RAB27A: variants seen among roughly 807,000 people sequenced by gnomAD.
RAB27A encodes the protein RAB27A, member RAS oncogene family.
Under a neutral mutation model 20.8 loss-of-function variants are expected in RAB27A, and 17 were observed. The ratio of observed to expected loss-of-function variants is 0.82; its 90% confidence interval spans 0.56 to 1.23. RAB27A has a LOEUF of 1.23. RAB27A is among the 50% of genes most tolerant of loss of function. The pLI, the probability that RAB27A is intolerant of heterozygous loss-of-function variation, is 0.00. For missense variants in RAB27A, 277 were observed against 266.7 expected (o/e 1.04, Z -0.27); for synonymous variants, 85 against 92.8 (o/e 0.92, Z 0.48).
intron 1 of RAB27A, among the ~76,000 whole-genome samples, chr15:55,288,380 G>C (rs2141133621): frequency 6.6e-6 from 1 of 152,176 alleles, no homozygotes; most frequent in South Asian, 2.1e-4. Context: ...AATTAGCCAA[G>C]CATGGTAGCA....
intron 6 of RAB27A, among the ~76,000 whole-genome samples, chr15:55,216,649 A>C (rs1446107346): frequency 6.6e-6 from 1 of 152,204 alleles, no homozygotes; most frequent in African/African-American, 2.4e-5. Flanking sequence ...ATAAAAAATA[A>C]AAATAAATTT....
rs1894478159 is a variant in RAB27A at position 55,203,269 on chromosome 15, T to C, written c.*2238A>G. On this transcript the variant is annotated 3_prime_UTR_variant, in exon 7 of 7. Transcript: ENST00000336787. ...AAACATGCAAACATTCTTATTTTTATGTTTAAAGACATTTAATGTGTTATT... is the reference window on the plus strand; with the variant it reads ...AAACATGCAAACATTCTTATTTTTACGTTTAAAGACATTTAATGTGTTATT... 1 of 152,222 alleles carries C rather than the reference T, an allele frequency of 6.6e-6. No homozygotes were observed. Among genetic ancestry groups the C allele is most frequent in the Non-Finnish European group, 1.5e-5 (1 of 68,038 alleles). The allele number at this position is 152,222 out of a possible 1,614,324, so 9.4% of individuals were successfully genotyped here. A position where few individuals can be genotyped will look rare whatever the true frequency, so the allele number is the denominator to read the frequency against.
intron 6 of RAB27A, chr15:55,206,382 CT>C: frequency 5.0e-6 from 2 of 401,850 alleles, no homozygotes; most frequent in Non-Finnish European, 6.7e-6. Context: ...GAGACAGAGT[CT>C]CTATCACCCA....
At chr15:55,214,249 A>C (rs1895166849) in intron 6 of RAB27A, among the ~76,000 whole-genome samples, 2 of 152,200 alleles carry the variant, frequency 1.3e-5, no homozygotes, top group South Asian at 4.1e-4. Flanking sequence ...ATCCTGGCTA[A>C]CATGGTGAAA....
At chr15:55,223,856 G>C (rs1566905707) in intron 6 of RAB27A, 33 bp downstream of exon 6, 1 of 1,609,900 alleles carries the variant, frequency 6.2e-7, no homozygotes, top group Admixed American at 1.7e-5. Flanking sequence ...TATTGAAAAT[G>C]TTTTCTCTAG....
chr15:55,263,007 T>G (rs756635392), intron 2 of RAB27A, among the ~76,000 whole-genome samples: 5 of 152,236 alleles, frequency 3.3e-5, no homozygotes, highest in Non-Finnish European at 7.3e-5. Context: ...TATCACATTT[T>G]GTTTCAGCAT....
At position 55,295,737 on chromosome 15, in the gene RAB27A, C is replaced by G. The variant is rs1223695679; in HGVS notation, c.-112+18302G>C. ...TGACTGCTTATTGCACACGAGGTTT[C>G]CTTCTGAGGTGATGAAACTGTCTTG... On this transcript the variant is annotated intron_variant, in intron 2 of 5. Coordinates refer to the RAB27A transcript ENST00000563262. 2.0e-5 allele frequency among the ~76,000 whole-genome samples: 3 copies of G among 152,062 alleles called. No homozygotes were observed. The East Asian group carries it at 5.8e-4, about 29-fold the overall frequency.
chr15:55,245,958 C>A (rs1205818502), intron 2 of RAB27A, among the ~76,000 whole-genome samples: 1 of 152,078 alleles, frequency 6.6e-6, no homozygotes, highest in Admixed American at 6.6e-5. Flanking sequence ...AAACAATTAG[C>A]CTGTAGTCCC....
chr15:55,288,592 T>A (rs1847784506), intron 1 of RAB27A, among the ~76,000 whole-genome samples: 1 of 150,328 alleles, frequency 6.7e-6, no homozygotes, highest in Admixed American at 6.6e-5. Flanking sequence ...TCACAGAAAT[T>A]AAGGAAGGAA....
intron 1 of RAB27A, among the ~76,000 whole-genome samples, chr15:55,277,440 C>T (rs1000494097): frequency 6.6e-6 from 1 of 152,116 alleles, no homozygotes. Context: ...GCCAGGAGTT[C>T]GAGACCAGCC....
intron 2 of RAB27A, among the ~76,000 whole-genome samples, chr15:55,308,215 C>T (rs2055006418): frequency 6.6e-6 from 1 of 152,134 alleles, no homozygotes; most frequent in Admixed American, 6.5e-5. Flanking sequence ...ATGACCCCGG[C>T]AGTGTAAGAC....
intron 2 of RAB27A, among the ~76,000 whole-genome samples, chr15:55,262,270 G>C (rs73413650): frequency 6.6e-6 from 1 of 151,608 alleles, no homozygotes; most frequent in Non-Finnish European, 1.5e-5. Context: ...GGCCAGGCGC[G>C]GTGGCTCATG....
At chr15:55,241,782 T>C (rs1158302961) in intron 2 of RAB27A, among the ~76,000 whole-genome samples, 2 of 151,256 alleles carry the variant, frequency 1.3e-5, no homozygotes, top group Admixed American at 6.6e-5. Context: ...CATTGTAGCC[T>C]GGGCAACAGA....
At chr15:55,278,255 A>T (rs1021564136) in intron 1 of RAB27A, among the ~76,000 whole-genome samples, 21 of 152,278 alleles carry the variant, frequency 1.4e-4, no homozygotes, top group African/African-American at 5.1e-4. Context: ...TGATTTCTCT[A>T]CTGGACAAAA....
intron 1 of RAB27A, among the ~76,000 whole-genome samples, chr15:55,286,428 C>G (rs80018293): frequency 0.025 from 3,811 of 152,014 alleles, 73 homozygotes; most frequent in Non-Finnish European, 0.039. Flanking sequence ...CGAAAGAAAA[C>G]AAGGCAAGGT....
rs773732714 is a variant in RAB27A, at chr15:55,223,966, C to A, written c.390G>T (p.Leu130=). ...CCTCCAGATCACTCTTGTTTCCACACAGCACTATATCTGGGTTTTCACAAT... is the reference window on the plus strand; with the variant it reads ...CCTCCAGATCACTCTTGTTTCCACAAAGCACTATATCTGGGTTTTCACAAT... ...HAYCENPDIV[L]CGNKSDLEDQ... is the part of the protein sequence containing the mutation. The change falls in exon 6 of 7, where the codon CTG becomes CTT. Residue 130 remains leucine (L), a synonymous_variant. Coordinates refer to ENST00000336787, the MANE Select transcript of RAB27A (RefSeq NM_183235.3). The A allele has an allele frequency of 6.2e-7, 1 of 1,610,628 alleles. No individual in the cohort carries two copies. The highest frequency in any genetic ancestry group is 8.5e-7 in the Non-Finnish European group (1 of 1,176,862).
intron 6 of RAB27A, among the ~76,000 whole-genome samples, chr15:55,219,592 C>T (rs780010741): frequency 6.6e-6 from 1 of 152,178 alleles, no homozygotes; most frequent in Non-Finnish European, 1.5e-5. Flanking sequence ...GTGATTGATT[C>T]TGATGCACAC....
Position 55,303,113 on chromosome 15 carries a change from T to C in RAB27A, c.-112+10926A>G, listed in dbSNP as rs867882176. ...GGTCAGCCCCCCGCCTGGCCAGCCGTGCCGTCCGGGAGGGAGGTGGGGGGG... is the reference window on the plus strand; with the variant it reads ...GGTCAGCCCCCCGCCTGGCCAGCCGCGCCGTCCGGGAGGGAGGTGGGGGGG... On this transcript the variant is annotated intron_variant, in intron 2 of 5. Transcript: ENST00000563262. 5.0e-3 allele frequency among the ~76,000 whole-genome samples: 450 copies of C among 90,730 alleles called. 1 individual carries two copies. Among genetic ancestry groups the C allele is most frequent in the African/African-American group, 0.018 (401 of 22,900 alleles). The allele number at this position is 90,730 out of a possible 152,430, so 59.5% of individuals were successfully genotyped here. A position where few individuals can be genotyped will look rare whatever the true frequency, so the allele number is the denominator to read the frequency against.
At chr15:55,291,235 G>A (rs1595752290), upstream of RAB27A, among the ~76,000 whole-genome samples, 1 of 152,208 alleles carries the variant, frequency 6.6e-6, no homozygotes, top group South Asian at 2.1e-4. Flanking sequence ...AAAAGGCCGG[G>A]TTAGGTGGCT....
Sources: gnomAD v4.1 joint callset for allele counts (sites outside exome capture counted in the v4.1 genomes callset) on GRCh38, gnomAD v4.1.1 for gene constraint, MANE v1.5 for transcripts, NCBI Gene and HGNC (gene_info 2026-07-23, HGNC 2026-07-21) for gene names.